The following ZRANB3 variants were observed in gnomAD, a reference collection of about 807,000 sequenced individuals.
ZRANB3 encodes the protein zinc finger RANBP2-type containing 3.
A neutral mutation model predicts 133.8 loss-of-function variants in ZRANB3; 125 were observed. The ratio of observed to expected loss-of-function variants is 0.93; its 90% CI spans 0.81 to 1.08. The LOEUF is 1.08. Ranked by LOEUF, ZRANB3 falls within the 50% of genes least tolerant of loss-of-function variation. The pLI is 0.00. For missense variants in ZRANB3, 1,229 were observed against 1,275.5 expected (o/e 0.96, Z 0.56); for synonymous variants, 387 against 432.7 (o/e 0.89, Z 1.31).
chr2:135,233,882 C>G (rs1474400943), intron 12 of ZRANB3, among the ~76,000 whole-genome samples: 3 of 152,168 alleles, frequency 2.0e-5, no homozygotes, highest in African/African-American at 7.2e-5. Flanking sequence ...GAAACTGCAT[C>G]AACTAACGAG....
intron 12 of ZRANB3, among the ~76,000 whole-genome samples, chr2:135,246,434 G>A (rs1425597555): frequency 6.6e-6 from 1 of 152,100 alleles, no homozygotes; most frequent in African/African-American, 2.4e-5. Flanking sequence ...TGCTACAGCT[G>A]TTAGTAGATT....
intron 1 of ZRANB3, among the ~76,000 whole-genome samples, chr2:135,522,073 G>A (rs1389614641): frequency 2.6e-5 from 4 of 152,142 alleles, no homozygotes; most frequent in Non-Finnish European, 5.9e-5. Context: ...TGAAGCAGGG[G>A]AGTATAATCA....
chr2:135,521,551 A>T (rs904269253), intron 1 of ZRANB3, among the ~76,000 whole-genome samples: 2 of 152,156 alleles, frequency 1.3e-5, no homozygotes, highest in African/African-American at 4.8e-5. Context: ...ATAAATAAAT[A>T]AATACCTACT....
intron 2 of ZRANB3, among the ~76,000 whole-genome samples, chr2:135,475,309 G>A (rs139436200): frequency 5.9e-5 from 9 of 152,310 alleles, no homozygotes; most frequent in African/African-American, 1.9e-4. Flanking sequence ...CACTGCTAGA[G>A]AGGAACCTCT....
At chr2:135,257,620 G>A (rs1038282587) in intron 12 of ZRANB3, among the ~76,000 whole-genome samples, 1 of 151,990 alleles carries the variant, frequency 6.6e-6, no homozygotes, top group African/African-American at 2.4e-5. Flanking sequence ...CATCCTAGTG[G>A]GTGTGATGTG....
At chr2:135,351,407 AC>A (rs1685201766) in intron 4 of ZRANB3, among the ~76,000 whole-genome samples, 1 of 151,576 alleles carries the variant, frequency 6.6e-6, no homozygotes, top group African/African-American at 2.4e-5. Flanking sequence ...AGCTGGGACT[AC>A]AGGTGCCCAT....
intron 8 of ZRANB3, among the ~76,000 whole-genome samples, chr2:135,295,365 T>G (rs1407827685): frequency 6.6e-6 from 1 of 152,172 alleles, no homozygotes; most frequent in African/African-American, 2.4e-5. Context: ...CTTTGTTGGT[T>G]TAAAGTCTGT....
chr2:135,359,894 G>GC (rs1227712698), intron 3 of ZRANB3, among the ~76,000 whole-genome samples: 2 of 152,050 alleles, frequency 1.3e-5, no homozygotes, highest in Admixed American at 6.6e-5. Context: ...TTAGGTATTT[G>GC]TTTTTGGTTG....
At position 135,207,651 on chromosome 2, in the gene ZRANB3, C is replaced by T; in HGVS notation, c.2792G>A (p.Trp931Ter). 6.2e-7 allele frequency: 1 copy of T among 1,613,976 alleles called. No homozygotes were observed. Among genetic ancestry groups the T allele is most frequent in the East Asian group, 2.2e-5 (1 of 44,884 alleles). The change falls in exon 19 of 21, where the codon TGG (tryptophan) becomes TAG (stop). Residue 931 changes from tryptophan to a stop codon, truncating the protein, a stop_gained. Coordinates refer to ENST00000264159, the MANE Select transcript of ZRANB3 (RefSeq NM_032143.4). LOFTEE classifies it high-confidence loss of function. ...QTKQACKANS[W>*]DSRFCSLKCQ... ...TTTCAGAGAGCAAAACCGTGAATCC[C>T]AAGAGTTCGCTTTACATGCTTGCTT... is the stretch of plus-strand genomic sequence containing the variant.
Position 135,208,854 on chromosome 2 carries a change from T to C in ZRANB3, c.2606+14A>G, listed in dbSNP as rs1483661745. On this transcript the variant is annotated intron_variant, in intron 18 of 20. Transcript: ENST00000264159. ...AATTAGTACTACTATATACTAGTAG[T>C]AGAAAAACCTTACTTTGTGAAAGGA... 3 of 1,606,154 alleles carry C rather than the reference T, an allele frequency of 1.9e-6. No individual in the cohort carries two copies. In the Admixed American group the frequency reaches 5.0e-5, roughly 27 times the overall value.
Position 135,265,626 on chromosome 2 carries a change from C to A in ZRANB3, c.1447G>T (p.Asp483Tyr). The A allele has an allele frequency of 6.2e-7, 1 of 1,613,668 alleles. No individual in the cohort carries two copies. Among genetic ancestry groups the A allele is most frequent in the Non-Finnish European group, 8.5e-7 (1 of 1,179,744 alleles). The change falls in exon 12 of 21, where the codon GAT becomes TAT. Residue 483 changes from aspartate (D) to tyrosine (Y), a missense_variant. Asp to Tyr is a radical substitution (Grantham distance 160). Coordinates refer to ENST00000264159, the MANE Select transcript of ZRANB3 (RefSeq NM_032143.4). Reference protein sequence around the residue: ...RKEKIQAEEGDKEKWDFLQFA... With the variant: ...RKEKIQAEEGYKEKWDFLQFA... ...TGCAGGAAATCCCATTTTTCCTTATCACCTTCCTCAGCCTGAATTTTTTCT... is the reference window on the plus strand; with the variant it reads ...TGCAGGAAATCCCATTTTTCCTTATAACCTTCCTCAGCCTGAATTTTTTCT...
chr2:135,326,279 G>A (rs1426237436), intron 6 of ZRANB3, among the ~76,000 whole-genome samples: 1 of 152,064 alleles, frequency 6.6e-6, no homozygotes, highest in Non-Finnish European at 1.5e-5. Context: ...GGTTACTGGG[G>A]TACAGGTGGT....
chr2:135,298,424 T>C (rs1011243463), intron 8 of ZRANB3, among the ~76,000 whole-genome samples: 3 of 152,178 alleles, frequency 2.0e-5, no homozygotes, highest in Admixed American at 6.5e-5. Context: ...ATTGTTTTTC[T>C]GGTTCCTTCT....
chr2:135,481,505 C>T (rs1276085044), intron 2 of ZRANB3, among the ~76,000 whole-genome samples: 1 of 152,104 alleles, frequency 6.6e-6, no homozygotes, highest in African/African-American at 2.4e-5. Flanking sequence ...ATTGTAGATT[C>T]TGTATATTAG....
chr2:135,331,523 T>C (rs1490265630), intron 6 of ZRANB3, among the ~76,000 whole-genome samples: 1 of 152,200 alleles, frequency 6.6e-6, no homozygotes, highest in African/African-American at 2.4e-5. Context: ...CTAAAAAGAA[T>C]GTATATTCTG....
At chr2:135,488,961 AAT>A (rs1395606479) in intron 2 of ZRANB3, among the ~76,000 whole-genome samples, 1 of 152,030 alleles carries the variant, frequency 6.6e-6, no homozygotes, top group African/African-American at 2.4e-5. Flanking sequence ...TACATACAAA[AAT>A]AGTGTCATAT....
chr2:135,490,051 T>C (rs1692304441), intron 2 of ZRANB3, among the ~76,000 whole-genome samples: 1 of 151,734 alleles, frequency 6.6e-6, no homozygotes, highest in South Asian at 2.1e-4. Context: ...CTGCAAAAAA[T>C]GGGTAGTGAG....
chr2:135,296,543 G>C (rs1166747088), intron 8 of ZRANB3, among the ~76,000 whole-genome samples: 1 of 151,840 alleles, frequency 6.6e-6, no homozygotes, highest in Non-Finnish European at 1.5e-5. Flanking sequence ...CTTTAGCTCT[G>C]AGTAGTTTGA....
chr2:135,512,005 C>G (rs1435159498), intron 1 of ZRANB3: 2 of 655,800 alleles, frequency 3.0e-6, no homozygotes, highest in African/African-American at 3.6e-5. Flanking sequence ...TGCGGCTGAG[C>G]TGGAGAGGAA....
Sources: gnomAD v4.1 joint callset for allele counts (sites outside exome capture counted in the v4.1 genomes callset) on GRCh38, gnomAD v4.1.1 for gene constraint, MANE v1.5 for transcripts, NCBI Gene and HGNC (gene_info 2026-07-23, HGNC 2026-07-21) for gene names.